Variants in TMEM202 observed in about 807,000 individuals in gnomAD.
TMEM202 encodes the protein transmembrane protein 202.
TMEM202 carries 25 observed loss-of-function variants against 26.1 expected under a neutral mutation model. The ratio of observed to expected loss-of-function variants is 0.96; its 90% CI spans 0.70 to 1.34. The LOEUF (loss-of-function observed/expected upper bound fraction) is 1.34. Among genes scored for constraint, TMEM202 ranks in the 40% most tolerant of loss-of-function variants. TMEM202 has a pLI of 0.00. For missense variants in TMEM202, 301 were observed against 327.7 expected, an observed-to-expected ratio of 0.92 and a Z score of 0.63; for synonymous variants, 122 against 119.0, an observed-to-expected ratio of 1.02 and a Z score of -0.16.
chr15:72,400,634 T>A (rs530808960), intron 2 of TMEM202, among the ~76,000 whole-genome samples: 11 of 152,286 alleles, frequency 7.2e-5, no homozygotes, highest in African/African-American at 2.6e-4. Flanking sequence ...TAGGGCTGGG[T>A]GTGGTGACTC....
intron 2 of TMEM202, among the ~76,000 whole-genome samples, chr15:72,401,687 G>A (rs1330067726): frequency 1.3e-5 from 2 of 152,272 alleles, no homozygotes; most frequent in East Asian, 1.9e-4. Flanking sequence ...CAGATTTTGT[G>A]GAGTCACTTT....
rs2063582210 is a variant in TMEM202, at chr15:72,408,070, A to C, written c.*177A>C. The C allele has an allele frequency of 6.8e-6, 4 of 588,432 alleles. No homozygotes were observed. The highest frequency in any genetic ancestry group is 9.0e-6 in the Non-Finnish European group (3 of 333,746). The allele number at this position is 588,432 out of a possible 1,614,324, so 36.5% of individuals were successfully genotyped here. On this transcript the variant is annotated 3_prime_UTR_variant, in exon 5 of 5. Coordinates refer to ENST00000341689, the MANE Select transcript of TMEM202 (RefSeq NM_001080462.3). ...ATCCAAAATATATATGATAGTCATAAAGTAAATAACTCACTTAAGAAAAAC... is the reference window on the plus strand; with the variant it reads ...ATCCAAAATATATATGATAGTCATACAGTAAATAACTCACTTAAGAAAAAC...
chr15:72,398,425 T>A lies in TMEM202; in HGVS notation c.81+18T>A, dbSNP rs1365140937. ...ACCAAAGGGTGAGGAGGTATCTAAT[T>A]GAAAGTCAGATGGGAAGAAGAGAAC... On this transcript the variant is annotated intron_variant, in intron 1 of 4. Coordinates refer to ENST00000341689, the MANE Select transcript of TMEM202 (RefSeq NM_001080462.3). 26 of 1,594,464 alleles carry A rather than the reference T, an allele frequency of 1.6e-5. No homozygotes were observed. The highest frequency in any genetic ancestry group is 2.1e-5 in the Non-Finnish European group (24 of 1,167,624).
chr15:72,400,268 T>G (rs144872105), intron 2 of TMEM202, among the ~76,000 whole-genome samples: 1 of 152,304 alleles, frequency 6.6e-6, no homozygotes, highest in African/African-American at 2.4e-5. Flanking sequence ...GGAAAAATAA[T>G]TTAACCTCAA....
chr15:72,407,778 T>C lies in TMEM202; in HGVS notation c.707T>C (p.Leu236Pro), dbSNP rs1464703003. ...GTGATTCCAACAGAGAGATCAAGGC[T>C]GGGGGTTGGTCCGGTGACTACAGTA... is the stretch of plus-strand genomic sequence containing the variant. ...VTVIPTERSR[L>P]GVGPVTTVSP... Residue 236 changes from leucine (L) to proline (P), a missense_variant, in exon 5 of 5, where the codon CTG becomes CCG. Coordinates refer to ENST00000341689, the MANE Select transcript of TMEM202 (RefSeq NM_001080462.3). 6.2e-7 allele frequency: 1 copy of C among 1,613,990 alleles called. No homozygotes were observed. The highest frequency in any genetic ancestry group is 2.2e-5 in the East Asian group (1 of 44,824).
At chr15:72,400,397 A>G (rs1054854056) in intron 2 of TMEM202, among the ~76,000 whole-genome samples, 11 of 152,248 alleles carry the variant, frequency 7.2e-5, no homozygotes, top group African/African-American at 2.7e-4. Flanking sequence ...TGTACATGCC[A>G]TGCAAATTGG....
At chr15:72,407,314 C>A in intron 4 of TMEM202, 97 bp downstream of exon 4, 1 of 1,385,806 alleles carries the variant, frequency 7.2e-7, no homozygotes, top group Non-Finnish European at 1.0e-6. Flanking sequence ...ACTGACTGTT[C>A]CTTTTCAGAA....
chr15:72,404,917 T>G (rs1348722919), intron 2 of TMEM202, among the ~76,000 whole-genome samples: 2 of 152,214 alleles, frequency 1.3e-5, no homozygotes, highest in Non-Finnish European at 2.9e-5. Context: ...ATGTTCTGGC[T>G]GGCTACATAT....
At chr15:72,404,447 C>T (rs2063562379) in intron 2 of TMEM202, among the ~76,000 whole-genome samples, 1 of 151,946 alleles carries the variant, frequency 6.6e-6, no homozygotes, top group South Asian at 2.1e-4. Context: ...AAATGTGGCT[C>T]AGAAGAATAA....
At chr15:72,400,742 T>C (rs1470702705) in intron 2 of TMEM202, among the ~76,000 whole-genome samples, 2 of 150,818 alleles carry the variant, frequency 1.3e-5, no homozygotes, top group African/African-American at 4.8e-5. Flanking sequence ...GATGAGTCCA[T>C]AGAGTAAAGT....
At chr15:72,407,455 C>T (rs1197100123) in intron 4 of TMEM202, among the ~76,000 whole-genome samples, 1 of 152,054 alleles carries the variant, frequency 6.6e-6, no homozygotes, top group Admixed American at 6.6e-5. Flanking sequence ...CCCAAGACCA[C>T]ACAGAAAATA....
chr15:72,400,304 A>G (rs552073787), intron 2 of TMEM202, among the ~76,000 whole-genome samples: 1 of 152,352 alleles, frequency 6.6e-6, no homozygotes, highest in East Asian at 1.9e-4. Flanking sequence ...AAATCAAATG[A>G]ATAACAAGAT....
intron 2 of TMEM202, 64 bp from the exon 3 acceptor site, chr15:72,406,538 G>C: frequency 2.2e-6 from 3 of 1,369,418 alleles, no homozygotes; most frequent in Non-Finnish European, 1.0e-6. Context: ...ACTCTATCTG[G>C]CCTTTTTAAG....
intron 3 of TMEM202, 92 bp from the exon 4 acceptor site, chr15:72,406,994 C>T (rs1322325647): frequency 1.1e-5 from 16 of 1,515,228 alleles, no homozygotes; most frequent in Non-Finnish European, 2.7e-6. Flanking sequence ...CCTCGCTATA[C>T]ATATGGCCTC....
chr15:72,407,735 T>G lies in TMEM202; in HGVS notation c.664T>G (p.Cys222Gly). ...CTACTTAACTTCCAGATCGCCTGCC[T>G]GTGATGAAAACGTCACTGTGATTCC... ...LNYLTSRSPA[C>G]DENVTVIPTE... The change falls in exon 5 of 5, where the codon TGT becomes GGT. Residue 222 changes from cysteine (C) to glycine (G), a missense_variant. By Grantham distance (159) the Cys-to-Gly change is radical (BLOSUM62 -3). Transcript: ENST00000341689. 1 of 1,613,962 alleles carries G rather than the reference T, an allele frequency of 6.2e-7. No individual in the cohort carries two copies.
In TMEM202 at chr15:72,407,977, T is replaced by A; in HGVS notation, c.*84T>A. ...TCACATAAATTCTGGGAAACTCTCC[T>A]AATATCATGTCCATATTACTTGAGG... On this transcript the variant is annotated 3_prime_UTR_variant, in exon 5 of 5. Coordinates refer to ENST00000341689, the MANE Select transcript of TMEM202 (RefSeq NM_001080462.3). 1.8e-6 allele frequency: 2 copies of A among 1,109,672 alleles called. No homozygotes were observed. The highest frequency in any genetic ancestry group is 2.6e-6 in the Non-Finnish European group (2 of 764,498). The allele number at this position is 1,109,672 out of a possible 1,614,324, so 68.7% of individuals were successfully genotyped here. A position where few individuals can be genotyped will look rare whatever the true frequency, so the allele number is the denominator to read the frequency against.
chr15:72,398,516 G>GT (rs200172705), intron 1 of TMEM202, 109 bp downstream of exon 1: 105,408 of 1,034,992 alleles, frequency 0.1, 3 homozygotes, highest in South Asian at 0.12. Flanking sequence ...AAATTGTGGG[G>GT]TTTTTTTTTT....
intron 2 of TMEM202, among the ~76,000 whole-genome samples, chr15:72,405,170 G>T (rs1231110723): frequency 6.6e-6 from 1 of 152,116 alleles, no homozygotes; most frequent in Non-Finnish European, 1.5e-5. Context: ...TGCTCTCTGG[G>T]TTACTCAGAA....
At position 72,400,395 on chromosome 15, in the gene TMEM202, C is replaced by A. The variant is rs2063542248; in HGVS notation, c.337+1487C>A. ...ACTCCCATACGCATTCCTGTACATG[C>A]CATGCAAATTGGTATAACTAAAGCA... On this transcript the variant is annotated intron_variant, in intron 2 of 4. Transcript: ENST00000341689. 3.3e-5 allele frequency among the ~76,000 whole-genome samples: 5 copies of A among 152,118 alleles called. No individual in the cohort carries two copies. The South Asian group carries it at 1.0e-3, about 31-fold the overall frequency.
Sources: gnomAD v4.1 joint callset for allele counts (sites outside exome capture counted in the v4.1 genomes callset) on GRCh38, gnomAD v4.1.1 for gene constraint, MANE v1.5 for transcripts, NCBI Gene and HGNC (gene_info 2026-07-23, HGNC 2026-07-21) for gene names.